The following PI4K2A variants were observed in gnomAD, a reference collection of about 807,000 sequenced individuals.
PI4K2A encodes phosphatidylinositol 4-kinase type 2 alpha, also known as phosphatidylinositol 4-kinase type 2-alpha.
Under a neutral mutation model 55.0 loss-of-function variants are expected in PI4K2A, and 20 were observed. That is an observed-to-expected ratio of 0.36 (90% confidence interval 0.26 to 0.53). The LOEUF is 0.53. Ranked by LOEUF, PI4K2A falls within the 20% of genes least tolerant of loss-of-function variation. PI4K2A has a pLI of 0.91. For synonymous variants in PI4K2A, 235 were observed against 258.5 expected (o/e 0.91, Z 0.87); for missense variants, 463 against 637.1 (o/e 0.73, Z 2.94).
In PI4K2A at chr10:97,641,173, A is replaced by AG. The variant is rs1491233196; in HGVS notation, c.435+1dup. On this transcript the variant is annotated frameshift_variant, in exon 1 of 9. Transcript: ENST00000370631. LOFTEE classifies it high-confidence loss of function. ...GGAAGCTACTTCGTCAAGGACCCTC[A>AG]GGGGGTGAGTGCGGGGGTGGGGACC... is the stretch of plus-strand genomic sequence containing the variant. 1 of 1,599,818 alleles carries AG rather than the reference A, an allele frequency of 6.3e-7. No individual in the cohort carries two copies. The highest frequency in any genetic ancestry group is 1.1e-5 in the South Asian group (1 of 89,850).
rs2041554242 is a variant in PI4K2A at position 97,656,316 on chromosome 10, A to G, written c.668A>G (p.Tyr223Cys). 1 of 1,613,642 alleles carries G rather than the reference A, an allele frequency of 6.2e-7. No homozygotes were observed. Among genetic ancestry groups the G allele is most frequent in the Non-Finnish European group, 8.5e-7 (1 of 1,179,532 alleles). Reference sequence around the variant, plus strand: ...TACCTGGCCAGTGAGACCTTCAACTATAGTGCCATTGACCGAGTGAAGTCC... The same window carrying G: ...TACCTGGCCAGTGAGACCTTCAACTGTAGTGCCATTGACCGAGTGAAGTCC... Residue 223 changes from tyrosine to cysteine, a missense_variant, in exon 3 of 9, where the codon TAT (tyrosine) becomes TGT (cysteine). Around this residue, in one of 2 missense-constraint regions of PI4K2A, gnomAD observed 277 missense variants for 432.6 expected, o/e 0.64. Transcript: ENST00000370631. This position sits in a 1 kb window ranked among gnomAD's most constrained non-coding sequence, Gnocchi z 4.5.
chr10:97,640,760 A>T, exon 1 of PI4K2A: 1 of 1,514,990 alleles, frequency 6.6e-7, no homozygotes. Flanking sequence ...AGACGAGCCC[A>T]CTAGTGTCCC....
chr10:97,660,689 TATAAA>T (rs1438984031), intron 4 of PI4K2A, among the ~76,000 whole-genome samples: 1 of 152,078 alleles, frequency 6.6e-6, no homozygotes, highest in African/African-American at 2.4e-5. Flanking sequence ...CCATAATCAT[TATAAA>T]ATATACTGAA....
At chr10:97,649,516 C>A (rs2041520261) in intron 1 of PI4K2A, among the ~76,000 whole-genome samples, 1 of 150,676 alleles carries the variant, frequency 6.6e-6, no homozygotes, top group Admixed American at 6.6e-5. Context: ...GAGTCTTTTT[C>A]CTGCTGTGAT....
At chr10:97,667,186 A>ACAC in intron 8 of PI4K2A, 66 bp downstream of exon 8, 2 of 1,227,716 alleles carry the variant, frequency 1.6e-6, no homozygotes, top group Non-Finnish European at 2.4e-6. Context: ...CAGGTTGAGC[A>ACAC]AATGTTTGAA....
intron 1 of PI4K2A, among the ~76,000 whole-genome samples, chr10:97,645,525 G>A (rs1052499571): frequency 6.0e-5 from 9 of 149,870 alleles, no homozygotes; most frequent in Non-Finnish European, 1.0e-4. Context: ...GGAGAATGGC[G>A]TGAACCCGGG....
chr10:97,640,978 C>G, exon 1 of PI4K2A: 7 of 1,527,232 alleles, frequency 4.6e-6, no homozygotes, highest in Non-Finnish European at 6.1e-6. Context: ...ACCGTGGCGG[C>G]GCAGGCCCAG....
chr10:97,654,811 CTT>C (rs2041544601), intron 2 of PI4K2A, among the ~76,000 whole-genome samples: 1 of 107,572 alleles, frequency 9.3e-6, no homozygotes, highest in East Asian at 2.8e-4. Context: ...TGCAATTTGA[CTT>C]AAGTATAATA....
chr10:97,648,282 G>T (rs2041515051), intron 1 of PI4K2A, among the ~76,000 whole-genome samples: 1 of 151,738 alleles, frequency 6.6e-6, no homozygotes, highest in Non-Finnish European at 1.5e-5. Flanking sequence ...AGTAGAGATG[G>T]GGTTTCTCCA....
Position 97,656,832 on chromosome 10 carries a change from C to G in PI4K2A, c.780C>G (p.Phe260Leu). 1.2e-6 allele frequency: 2 copies of G among 1,614,098 alleles called. No homozygotes were observed. The highest frequency in any genetic ancestry group is 1.7e-6 in the Non-Finnish European group (2 of 1,179,992). The change falls in exon 4 of 9, where the codon TTC (phenylalanine) becomes TTG (leucine). Residue 260 changes from phenylalanine to leucine, a missense_variant. Physicochemically the swap from Phe to Leu is conservative, Grantham distance 22 (BLOSUM62 0). This residue lies in a region of PI4K2A where 277 missense variants were observed against 432.6 expected (regional missense o/e 0.64). Transcript: ENST00000370631. The surrounding 1 kb of genome is among the most constrained non-coding windows in gnomAD (Gnocchi z 4.5). Reference sequence around the variant, plus strand: ...CCTCTTGGTTCCAGGTTGGTTCATTCCAGCTCTTTGTTGAAGGCTACAAAG... The same window carrying G: ...CCTCTTGGTTCCAGGTTGGTTCATTGCAGCTCTTTGTTGAAGGCTACAAAG...
At chr10:97,643,615 G>A (rs1322932015) in intron 1 of PI4K2A, among the ~76,000 whole-genome samples, 1 of 152,072 alleles carries the variant, frequency 6.6e-6, no homozygotes, top group African/African-American at 2.4e-5. Flanking sequence ...CTTTCTCATA[G>A]GGGAAGTCCA....
intron 1 of PI4K2A, 53 bp downstream of exon 1, chr10:97,641,230 T>C: frequency 7.5e-7 from 1 of 1,335,284 alleles, no homozygotes; most frequent in Non-Finnish European, 1.0e-6. Context: ...GCGGCGCTCC[T>C]GGGGAGTTGG....
chr10:97,665,655 C>G (rs1468203335), intron 6 of PI4K2A, among the ~76,000 whole-genome samples: 1 of 151,360 alleles, frequency 6.6e-6, no homozygotes, highest in South Asian at 2.1e-4. Flanking sequence ...TGCAGTGGCG[C>G]GATCTCGGCT....
intron 1 of PI4K2A, among the ~76,000 whole-genome samples, chr10:97,641,868 C>T (rs2041471617): frequency 6.6e-6 from 1 of 152,192 alleles, no homozygotes; most frequent in African/African-American, 2.4e-5. Flanking sequence ...GGGCTATCAA[C>T]AGCCTGCTTT....
intron 8 of PI4K2A, among the ~76,000 whole-genome samples, chr10:97,671,928 A>G (rs2041637374): frequency 6.6e-6 from 1 of 152,210 alleles, no homozygotes; most frequent in Non-Finnish European, 1.5e-5. Flanking sequence ...TGCTAGGATT[A>G]CAGGCATGAG....
exon 1 of PI4K2A, chr10:97,640,870 G>C (rs753488117): frequency 7.6e-7 from 1 of 1,314,038 alleles, no homozygotes. Flanking sequence ...GCGGCGGCCG[G>C]CTCGGGCCCC....
At chr10:97,673,678 G>A (rs1361819835) in exon 9 of PI4K2A, 6 of 1,613,630 alleles carry the variant, frequency 3.7e-6, no homozygotes, top group East Asian at 4.5e-5. Flanking sequence ...TCCCACCAGC[G>A]GTCTTCTAGC....
At position 97,667,128 on chromosome 10, in the gene PI4K2A, T is replaced by C; in HGVS notation, c.1278+8T>C. The C allele has an allele frequency of 6.2e-7, 1 of 1,602,308 alleles. No individual in the cohort carries two copies. Among genetic ancestry groups the C allele is most frequent in the Non-Finnish European group, 8.6e-7 (1 of 1,169,394 alleles). ...GCTGTCATGCGGGGCCAGGTAAGCC[T>C]GGGACATCCTCCCAGTATCTTTGGC... On this transcript the variant is annotated splice_region_variant and intron_variant, in intron 8 of 8. Transcript: ENST00000370631.
At chr10:97,661,078 G>A (rs912146982) in intron 4 of PI4K2A, among the ~76,000 whole-genome samples, 4 of 151,806 alleles carry the variant, frequency 2.6e-5, no homozygotes, top group African/African-American at 7.3e-5. Context: ...TGCAAGCTCC[G>A]CCTCCCGGGT....
Sources: gnomAD v4.1 joint callset for allele counts (sites outside exome capture counted in the v4.1 genomes callset) on GRCh38, gnomAD v4.1.1 for gene constraint, gnomAD v4.1.1 regional missense constraint, Gnocchi (gnomAD v3.1) non-coding constraint, MANE v1.5 for transcripts, NCBI Gene and HGNC (gene_info 2026-07-23, HGNC 2026-07-21) for gene names.